ENTHD1: variants seen among roughly 807,000 people sequenced by gnomAD.
ENTHD1 encodes the protein ENTH domain-containing protein 1.
A neutral mutation model predicts 39.1 loss-of-function variants in ENTHD1; 23 were observed. That is an observed-to-expected ratio of 0.59 (90% CI 0.42 to 0.83). ENTHD1 has a LOEUF of 0.83. Among genes scored for constraint, ENTHD1 ranks in the 40% least tolerant of loss-of-function variants. ENTHD1 has a pLI of 0.00. For missense variants in ENTHD1, 624 were observed against 705.4 expected (o/e 0.88, Z 1.31); for synonymous variants, 230 against 258.2 (o/e 0.89, Z 1.05).
chr22:39,816,861 T>C (rs1245020131), intron 5 of ENTHD1, among the ~76,000 whole-genome samples: 1 of 151,828 alleles, frequency 6.6e-6, no homozygotes, highest in Non-Finnish European at 1.5e-5. Flanking sequence ...TGAAAGATAT[T>C]TGCAACATAA....
At chr22:39,748,943 A>G (rs1012333176) in intron 6 of ENTHD1, among the ~76,000 whole-genome samples, 1 of 152,158 alleles carries the variant, frequency 6.6e-6, no homozygotes, top group Non-Finnish European at 1.5e-5. Context: ...ACAAGCTGCC[A>G]GGTGTTTCTG....
intron 5 of ENTHD1, among the ~76,000 whole-genome samples, chr22:39,801,834 T>C (rs1032806568): frequency 6.6e-6 from 1 of 152,096 alleles, no homozygotes; most frequent in South Asian, 2.1e-4. Context: ...AATGAAAGGT[T>C]CAGATTTCTA....
chr22:39,782,935 T>A (rs892846331), intron 5 of ENTHD1, among the ~76,000 whole-genome samples: 1 of 152,062 alleles, frequency 6.6e-6, no homozygotes, highest in Non-Finnish European at 1.5e-5. Flanking sequence ...GCCAGAGCAG[T>A]TAGGTAACAG....
chr22:39,820,932 G>A, intron 5 of ENTHD1, 61 bp downstream of exon 5: 1 of 1,593,940 alleles, frequency 6.3e-7, no homozygotes, highest in Admixed American at 1.7e-5. Context: ...GAAGCCAACG[G>A]TTGCTGTACT....
chr22:39,770,258 A>G (rs1179044536), intron 5 of ENTHD1, among the ~76,000 whole-genome samples: 3 of 152,138 alleles, frequency 2.0e-5, no homozygotes, highest in Admixed American at 2.0e-4. Flanking sequence ...GCTGCCAACA[A>G]GAGGTGCTAG....
At chr22:39,870,269 A>G (rs1249799029) in intron 2 of ENTHD1, among the ~76,000 whole-genome samples, 3 of 150,620 alleles carry the variant, frequency 2.0e-5, no homozygotes, top group African/African-American at 7.5e-5. Flanking sequence ...TTGACCTCCC[A>G]AAGTGATGGG....
At position 39,746,313 on chromosome 22, in the gene ENTHD1, CT is replaced by C. The variant is rs952378553; in HGVS notation, c.1220-2031del. On this transcript the variant is annotated intron_variant, in intron 6 of 6. Transcript: ENST00000325157. ...TTATATTTTTAAATTTCCAAGAGCT[CT>C]TTTTTTTGGTTTTCAGAAATTCTTT... Among the ~76,000 whole-genome samples, 3 of 151,660 alleles carry C rather than the reference CT, an allele frequency of 2.0e-5. No individual in the cohort carries two copies. In the East Asian group the frequency reaches 5.8e-4, roughly 29 times the overall value.
At position 39,743,974 on chromosome 22, in the gene ENTHD1, C is replaced by T. The variant is rs1357992472; in HGVS notation, c.1529G>A (p.Ser510Asn). ...GGTGGAAAACTCCCCCCAGTGACTA[C>T]TAGAAATGTGACTTATATTCTTTTT... is the stretch of plus-strand genomic sequence containing the variant. ...SAKKNISHIS[S>N]SHWGEFSTQN... The change falls in exon 7 of 7, where the codon AGT becomes AAT. Residue 510 changes from serine (S) to asparagine (N), a missense_variant. Transcript: ENST00000325157. 3.1e-6 allele frequency: 5 copies of T among 1,614,142 alleles called. No individual in the cohort carries two copies. In the East Asian group the frequency reaches 8.9e-5, roughly 29 times the overall value.
chr22:39,812,493 G>A (rs1334221032), intron 5 of ENTHD1, among the ~76,000 whole-genome samples: 1 of 152,238 alleles, frequency 6.6e-6, no homozygotes, highest in Non-Finnish European at 1.5e-5. Context: ...CTTGCTAGGG[G>A]ACGTTCACTG....
chr22:39,803,210 C>T (rs1318752239), intron 5 of ENTHD1, among the ~76,000 whole-genome samples: 1 of 152,078 alleles, frequency 6.6e-6, no homozygotes, highest in Non-Finnish European at 1.5e-5. Flanking sequence ...TCGTTTGCTA[C>T]GTTCTAGCCA....
chr22:39,791,321 A>T (rs2146601084), intron 5 of ENTHD1, among the ~76,000 whole-genome samples: 1 of 148,302 alleles, frequency 6.7e-6, no homozygotes, highest in South Asian at 2.1e-4. Context: ...ATATATAAAG[A>T]TATATTAAAT....
intron 3 of ENTHD1, among the ~76,000 whole-genome samples, chr22:39,838,648 T>G (rs1384882323): frequency 6.6e-6 from 1 of 152,132 alleles, no homozygotes; most frequent in Non-Finnish European, 1.5e-5. Context: ...TCTAATAAAA[T>G]TATATTTAAC....
intron 2 of ENTHD1, among the ~76,000 whole-genome samples, chr22:39,868,781 A>G (rs1251252641): frequency 5.3e-5 from 8 of 152,214 alleles, no homozygotes; most frequent in African/African-American, 1.9e-4. Flanking sequence ...AAACAAGCAA[A>G]AAACAAATAA....
rs186424266 is a variant in ENTHD1, at chr22:39,789,150, A to G, written c.833-23541T>C. 3.7e-3 allele frequency among the ~76,000 whole-genome samples: 560 copies of G among 152,324 alleles called. 5 individuals carry two copies. Among genetic ancestry groups the G allele is most frequent in the African/African-American group, 0.012 (493 of 41,576 alleles). On this transcript the variant is annotated intron_variant, in intron 5 of 6. Transcript: ENST00000325157. Reference sequence around the variant, plus strand: ...TGATGGACAGCTAGACTGGTTCCATATCTTCACTACTGTGAATAATGTTGC... The same window carrying G: ...TGATGGACAGCTAGACTGGTTCCATGTCTTCACTACTGTGAATAATGTTGC...
rs1159408280 is a variant in ENTHD1, at chr22:39,802,143, TGA to T, written c.832+18848_832+18849del. Among the ~76,000 whole-genome samples the T allele has an allele frequency of 2.0e-5, 3 of 152,218 alleles. No individual in the cohort carries two copies. In the East Asian group the frequency reaches 5.8e-4, roughly 29 times the overall value. On this transcript the variant is annotated intron_variant, in intron 5 of 6. Coordinates refer to ENST00000325157, the MANE Select transcript of ENTHD1 (RefSeq NM_152512.4). ...TTTCTCAGTAAATAGAACTATAGGG[TGA>T]AAAAGGTGTGATACCCTTCTTCCCC...
intron 5 of ENTHD1, among the ~76,000 whole-genome samples, chr22:39,780,424 G>A (rs980597267): frequency 1.3e-5 from 2 of 150,620 alleles, no homozygotes; most frequent in South Asian, 4.2e-4. Context: ...AAAAGGCATA[G>A]AATAGCTGAA....
At chr22:39,839,010 T>C (rs2065925532) in intron 3 of ENTHD1, among the ~76,000 whole-genome samples, 1 of 152,120 alleles carries the variant, frequency 6.6e-6, no homozygotes, top group South Asian at 2.1e-4. Context: ...ATTTAAAAGA[T>C]GGATATAACT....
rs4362656 is a variant in ENTHD1, at chr22:39,796,457, G to A, written c.832+24536C>T. 7.0e-3 allele frequency among the ~76,000 whole-genome samples: 1,061 copies of A among 152,054 alleles called. 16 individuals carry two copies. Among genetic ancestry groups the A allele is most frequent in the African/African-American group, 0.024 (977 of 41,468 alleles). ...AAATTTTTTTGTAGAGATGGTGGAG[G>A]TGGGGTCTCACTTTGTTGCCCAGAC... On this transcript the variant is annotated intron_variant, in intron 5 of 6. Coordinates refer to ENST00000325157, the MANE Select transcript of ENTHD1 (RefSeq NM_152512.4).
At chr22:39,810,449 A>G (rs1416241002) in intron 5 of ENTHD1, among the ~76,000 whole-genome samples, 3 of 152,166 alleles carry the variant, frequency 2.0e-5, no homozygotes, top group Non-Finnish European at 4.4e-5. Flanking sequence ...GTAACCTGCA[A>G]AATTCTCCCC....
Sources: gnomAD v4.1 joint callset for allele counts (sites outside exome capture counted in the v4.1 genomes callset) on GRCh38, gnomAD v4.1.1 for gene constraint, MANE v1.5 for transcripts, NCBI Gene and HGNC (gene_info 2026-07-23, HGNC 2026-07-21) for gene names.